Variants in EYS observed in about 807,000 individuals in gnomAD.
EYS encodes the protein protein eyes shut homolog.
In EYS, 250 loss-of-function variants were observed where a neutral mutation model predicts 282.1. The ratio of observed to expected loss-of-function variants is 0.89; its 90% CI spans 0.80 to 0.98. The LOEUF is 0.98. Ranked by LOEUF, EYS falls within the 50% of genes least tolerant of loss-of-function variation. The pLI, the probability that EYS is intolerant of heterozygous loss-of-function variation, is 0.00. For synonymous variants in EYS, 1,355 were observed against 1,282.9 expected (o/e 1.06, Z -1.20); for missense variants, 4,016 against 3,709.0 (o/e 1.08, Z -2.15).
At chr6:64,418,782 G>GAA (rs35239005) in intron 28 of EYS, among the ~76,000 whole-genome samples, 56 of 149,082 alleles carry the variant, frequency 3.8e-4, no homozygotes, top group African/African-American at 1.1e-3. Flanking sequence ...CTGTCCCATG[G>GAA]AAAAAAAAAA....
chr6:65,305,349 C>T lies in EYS; in HGVS notation c.1767-9230G>A, dbSNP rs1003713184. On this transcript the variant is annotated intron_variant, in intron 11 of 42. Transcript: ENST00000503581. ...ATTGTCTTGATGTACTTAATATTAC[C>T]TGAGTTTGAAATGGATGAAGACAGC... 2.6e-4 allele frequency among the ~76,000 whole-genome samples: 39 copies of T among 152,080 alleles called. 1 individual carries two copies. Among genetic ancestry groups the T allele is most frequent in the African/African-American group, 8.9e-4 (37 of 41,384 alleles).
chr6:65,626,273 A>G (rs1005490818), intron 2 of EYS, among the ~76,000 whole-genome samples: 1 of 152,216 alleles, frequency 6.6e-6, no homozygotes, highest in African/African-American at 2.4e-5. Context: ...AGTTCATCAA[A>G]TTCATTTCTG....
intron 1 of EYS, among the ~76,000 whole-genome samples, chr6:65,705,981 TTAAA>T (rs1769864525): frequency 6.6e-6 from 1 of 151,942 alleles, no homozygotes; most frequent in South Asian, 2.1e-4. Flanking sequence ...ATATTAAGTT[TTAAA>T]TAAAAACTTG....
chr6:64,739,609 T>A (rs1772299812), intron 22 of EYS, among the ~76,000 whole-genome samples: 1 of 152,182 alleles, frequency 6.6e-6, no homozygotes, highest in Admixed American at 6.5e-5. Context: ...TACCTATTGT[T>A]CTTTGCTAGG....
intron 35 of EYS, among the ~76,000 whole-genome samples, chr6:63,971,107 A>G (rs1766550051): frequency 6.6e-6 from 1 of 152,224 alleles, no homozygotes; most frequent in Admixed American, 6.5e-5. Flanking sequence ...ACAAAAATCT[A>G]CAGTTAACCT....
At chr6:64,654,088 T>C (rs964252229) in intron 22 of EYS, among the ~76,000 whole-genome samples, 2 of 152,208 alleles carry the variant, frequency 1.3e-5, no homozygotes, top group African/African-American at 2.4e-5. Flanking sequence ...AGATGTTTTA[T>C]AGTTTATGCA....
intron 30 of EYS, among the ~76,000 whole-genome samples, chr6:64,268,681 G>T (rs1318544313): frequency 6.6e-6 from 1 of 152,120 alleles, no homozygotes; most frequent in African/African-American, 2.4e-5. Flanking sequence ...TAGAATTTTG[G>T]TGACTAGGAT....
intron 37 of EYS, among the ~76,000 whole-genome samples, chr6:63,803,696 G>A (rs1156890369): frequency 6.6e-6 from 1 of 152,106 alleles, no homozygotes; most frequent in African/African-American, 2.4e-5. Flanking sequence ...TTCTTATTGT[G>A]GTTATTTTAT....
intron 36 of EYS, among the ~76,000 whole-genome samples, chr6:63,826,647 A>G (rs894004642): frequency 2.0e-5 from 3 of 152,182 alleles, no homozygotes; most frequent in African/African-American, 7.2e-5. Context: ...GAAACTAAGC[A>G]TCATATGTGA....
chr6:63,933,122 G>A (rs972392814), intron 35 of EYS, among the ~76,000 whole-genome samples: 2 of 152,232 alleles, frequency 1.3e-5, no homozygotes, highest in African/African-American at 4.8e-5. Flanking sequence ...GAGCTTCCAT[G>A]CCCTGTCCAG....
intron 32 of EYS, among the ~76,000 whole-genome samples, chr6:64,068,720 C>A (rs567547653): frequency 6.6e-6 from 1 of 151,954 alleles, no homozygotes; most frequent in South Asian, 2.1e-4. Flanking sequence ...TCTACATTAC[C>A]TTCTGTAAGC....
chr6:65,627,711 G>T (rs548068710), intron 2 of EYS, among the ~76,000 whole-genome samples: 62 of 152,322 alleles, frequency 4.1e-4, no homozygotes, highest in African/African-American at 1.5e-3. Flanking sequence ...AGAGTGAACT[G>T]GGTCCCCCAG....
At chr6:64,815,297 G>A (rs998460669) in intron 21 of EYS, 9 of 373,296 alleles carry the variant, frequency 2.4e-5, no homozygotes, top group African/African-American at 1.1e-4. Context: ...TTTATTTATG[G>A]AATAGAAATG....
At chr6:64,754,787 T>G (rs984716505) in intron 22 of EYS, among the ~76,000 whole-genome samples, 1 of 152,042 alleles carries the variant, frequency 6.6e-6, no homozygotes, top group Non-Finnish European at 1.5e-5. Flanking sequence ...AAGCTTGAAG[T>G]AAGCTATCTC....
At chr6:65,333,757 T>C (rs1769881395) in intron 11 of EYS, among the ~76,000 whole-genome samples, 1 of 151,682 alleles carries the variant, frequency 6.6e-6, no homozygotes. Context: ...ACATATATGT[T>C]TGTAATCACT....
Position 65,660,722 on chromosome 6 carries a change from T to C in EYS, c.-447-20830A>G, listed in dbSNP as rs552341386. On this transcript the variant is annotated intron_variant, in intron 1 of 42. Transcript: ENST00000503581. ...AGACATATGCAATGCTTACGGAAAA[T>C]TGATATATTAACTTTCTGATACTGT... is the stretch of plus-strand genomic sequence containing the variant. Among the ~76,000 whole-genome samples the C allele has an allele frequency of 2.6e-5, 4 of 151,870 alleles. No individual in the cohort carries two copies. The East Asian group carries it at 7.7e-4, about 29-fold the overall frequency.
chr6:64,475,750 A>T (rs1432896649), intron 26 of EYS, among the ~76,000 whole-genome samples: 1 of 151,746 alleles, frequency 6.6e-6, no homozygotes, highest in Non-Finnish European at 1.5e-5. Context: ...AATAAAAAAA[A>T]ATCATTTAAT....
intron 12 of EYS, among the ~76,000 whole-genome samples, chr6:65,162,229 A>T (rs1244278336): frequency 6.6e-6 from 1 of 151,246 alleles, no homozygotes; most frequent in East Asian, 2.0e-4. Context: ...AGTTCTGTCC[A>T]TTTCTCAGGA....
At chr6:64,291,793 A>T (rs1436419257) in intron 30 of EYS, among the ~76,000 whole-genome samples, 1 of 152,094 alleles carries the variant, frequency 6.6e-6, no homozygotes, top group Non-Finnish European at 1.5e-5. Flanking sequence ...TACTTTAAAA[A>T]ATGAAGGTAG....
Sources: allele counts gnomAD v4.1 joint callset (sites outside exome capture counted in the v4.1 genomes callset), GRCh38; gene constraint gnomAD v4.1.1; transcripts MANE v1.5; gene names NCBI Gene and HGNC (gene_info 2026-07-23, HGNC 2026-07-21).